Variants in SLIT2 observed in about 807,000 individuals in gnomAD.
SLIT2 encodes slit guidance ligand 2.
In SLIT2, 41 loss-of-function variants were observed where a neutral mutation model predicts 185.7. That is an observed-to-expected ratio of 0.22 (90% CI 0.17 to 0.29). The LOEUF is 0.29. SLIT2 is among the 10% of genes least tolerant of loss of function. The pLI, the probability that SLIT2 is intolerant of heterozygous loss-of-function variation, is 1.00. For missense variants in SLIT2, 1,571 were observed against 1,909.0 expected, an observed-to-expected ratio of 0.82 and a Z score of 3.30; for synonymous variants, 693 against 680.2, an observed-to-expected ratio of 1.02 and a Z score of -0.29.
chr4:20,291,882 A>G (rs563581528), intron 4 of SLIT2, among the ~76,000 whole-genome samples: 7 of 150,328 alleles, frequency 4.7e-5, no homozygotes, highest in African/African-American at 1.7e-4. Flanking sequence ...GGGTAGAAAC[A>G]TCCTAGAGCT....
chr4:20,348,582 C>T (rs1721628339), intron 4 of SLIT2, among the ~76,000 whole-genome samples: 2 of 152,024 alleles, frequency 1.3e-5, no homozygotes, highest in Admixed American at 1.3e-4. Context: ...CCAGATGATG[C>T]CAATGCCTCT....
intron 4 of SLIT2, among the ~76,000 whole-genome samples, chr4:20,462,021 A>G (rs1012831471): frequency 5.3e-5 from 8 of 152,108 alleles, no homozygotes; most frequent in Non-Finnish European, 2.9e-5. Flanking sequence ...TGAATTGGAT[A>G]TAGTAGAAGG....
intron 4 of SLIT2, among the ~76,000 whole-genome samples, chr4:20,321,431 A>G (rs925214989): frequency 1.3e-5 from 2 of 152,162 alleles, no homozygotes; most frequent in African/African-American, 4.8e-5. Flanking sequence ...TCTTAAGTAA[A>G]AATAGGAGTA....
At chr4:20,545,523 A>G (rs1723170574) in intron 21 of SLIT2, among the ~76,000 whole-genome samples, 1 of 151,828 alleles carries the variant, frequency 6.6e-6, no homozygotes, top group Non-Finnish European at 1.5e-5. Flanking sequence ...TCCTAATGTT[A>G]TCATCACCAA....
intron 6 of SLIT2, among the ~76,000 whole-genome samples, chr4:20,483,731 C>A (rs1716934656): frequency 6.6e-6 from 1 of 151,956 alleles, no homozygotes; most frequent in Non-Finnish European, 1.5e-5. Flanking sequence ...ATCAAGATGT[C>A]TTTTGTATTA....
chr4:20,378,539 G>A (rs558520597), intron 4 of SLIT2, among the ~76,000 whole-genome samples: 5 of 152,204 alleles, frequency 3.3e-5, no homozygotes, highest in South Asian at 2.1e-4. Flanking sequence ...TTGGAAGAAT[G>A]TATCATCTAT....
chr4:20,317,242 T>G (rs1369410926), intron 4 of SLIT2, among the ~76,000 whole-genome samples: 3 of 151,988 alleles, frequency 2.0e-5, no homozygotes, highest in African/African-American at 7.2e-5. Context: ...ACATGGTATA[T>G]TTACATTTAA....
At chr4:20,360,246 CT>C (rs1027405946) in intron 4 of SLIT2, among the ~76,000 whole-genome samples, 6 of 152,054 alleles carry the variant, frequency 3.9e-5, no homozygotes, top group African/African-American at 1.4e-4. Context: ...TTTTAATTTT[CT>C]TTCTGCCCTG....
At chr4:20,465,001 G>A (rs1401433739) in intron 4 of SLIT2, among the ~76,000 whole-genome samples, 1 of 152,100 alleles carries the variant, frequency 6.6e-6, no homozygotes, top group Non-Finnish European at 1.5e-5. Context: ...TGCAATAACT[G>A]CTAACCTTCA....
intron 30 of SLIT2, among the ~76,000 whole-genome samples, chr4:20,594,501 T>G (rs988862752): frequency 1.1e-4 from 16 of 151,862 alleles, no homozygotes; most frequent in African/African-American, 3.4e-4. Context: ...CAGGAGAGTG[T>G]TGAGGAAAAG....
chr4:20,321,716 G>A (rs751270781), intron 4 of SLIT2, among the ~76,000 whole-genome samples: 6 of 152,156 alleles, frequency 3.9e-5, no homozygotes, highest in South Asian at 4.1e-4. Flanking sequence ...GCCACTTTAC[G>A]TTAGACCTTA....
intron 34 of SLIT2, chr4:20,616,233 G>T (rs1341140118): frequency 6.6e-6 from 1 of 152,206 alleles, no homozygotes; most frequent in Non-Finnish European, 1.5e-5. Context: ...CCAAGCTTAG[G>T]GACGTTGCCA....
rs147987473 is a variant in SLIT2, at chr4:20,581,351, A to G, written c.3089-8293A>G. On this transcript the variant is annotated intron_variant, in intron 29 of 36. Transcript: ENST00000504154. ...ACTTGATTTCCTCAGTAAAAACTCTATCTCAAAATAAGGTCACAACCTGGG... is the reference window on the plus strand; with the variant it reads ...ACTTGATTTCCTCAGTAAAAACTCTGTCTCAAAATAAGGTCACAACCTGGG... Among the ~76,000 whole-genome samples, 54 of 152,234 alleles carry G rather than the reference A, an allele frequency of 3.5e-4. No homozygotes were observed. The East Asian group carries it at 0.01, about 28-fold the overall frequency.
At chr4:20,439,001 CT>C (rs1729553588) in intron 4 of SLIT2, among the ~76,000 whole-genome samples, 1 of 152,164 alleles carries the variant, frequency 6.6e-6, no homozygotes, top group South Asian at 2.1e-4. Context: ...TGTTGTCTCT[CT>C]TCTCTCATTA....
In SLIT2 at chr4:20,553,914, G is replaced by T. The variant is rs1724009754; in HGVS notation, c.2671G>T (p.Glu891Ter). 1 of 1,611,392 alleles carries T rather than the reference G, an allele frequency of 6.2e-7. No homozygotes were observed. The highest frequency in any genetic ancestry group is 8.5e-7 in the Non-Finnish European group (1 of 1,179,310). ...PGIARCAGPG[E>*]MADKLLLTTP... The stretch of plus-strand genomic sequence containing the variant: ...AATTGCTCGTTGTGCTGGTCCTGGA[G>T]AAATGGCAGATAAACTTTTACTCAC... The change falls in exon 26 of 37, where the codon GAA becomes TAA. Residue 891 changes from glutamate (E) to a stop codon, truncating the protein, a stop_gained. Transcript: ENST00000504154. LOFTEE classifies it high-confidence loss of function.
At chr4:20,533,897 G>A (rs1331203313) in intron 18 of SLIT2, among the ~76,000 whole-genome samples, 182 bp downstream of exon 18, 1 of 138,708 alleles carries the variant, frequency 7.2e-6, no homozygotes, top group Non-Finnish European at 1.5e-5. Context: ...GAATTCAGAT[G>A]GTCCCTTACC....
chr4:20,282,560 G>C (rs970949183), intron 4 of SLIT2, among the ~76,000 whole-genome samples: 2 of 152,086 alleles, frequency 1.3e-5, no homozygotes, highest in African/African-American at 4.8e-5. Flanking sequence ...GATACCTCCA[G>C]TGTGCACTCC....
At chr4:20,511,035 G>T in intron 10 of SLIT2, 31 bp from the exon 11 acceptor site, 1 of 1,374,996 alleles carries the variant, frequency 7.3e-7, no homozygotes, top group Non-Finnish European at 1.0e-6. Flanking sequence ...ACATTTGATT[G>T]AATGTAACCT....
chr4:20,339,090 CAAAAAAAAAA>C (rs398051113), intron 4 of SLIT2, among the ~76,000 whole-genome samples: 1 of 70,738 alleles, frequency 1.4e-5, no homozygotes, highest in Admixed American at 1.8e-4. Context: ...GAGACACTCT[CAAAAAAAAAA>C]AAAAAAAAAA....
Sources: allele counts gnomAD v4.1 joint callset (sites outside exome capture counted in the v4.1 genomes callset), GRCh38; gene constraint gnomAD v4.1.1; transcripts MANE v1.5; gene names NCBI Gene and HGNC (gene_info 2026-07-23, HGNC 2026-07-21).